Variants in ABTB2 observed in about 807,000 individuals in gnomAD.
The protein encoded by ABTB2 is ankyrin repeat and BTB/POZ domain-containing protein 2.
In ABTB2, 56 loss-of-function variants were observed where a neutral mutation model predicts 104.1. The ratio of observed to expected loss-of-function variants is 0.54; its 90% CI spans 0.43 to 0.67. ABTB2 has a LOEUF of 0.67. Ranked by LOEUF, ABTB2 falls within the 30% of genes least tolerant of loss-of-function variation. The pLI is 0.00. For synonymous variants in ABTB2, 606 were observed against 608.2 expected, an observed-to-expected ratio of 1.00 and a Z score of 0.05; for missense variants, 1,279 against 1,407.7, an observed-to-expected ratio of 0.91 and a Z score of 1.46.
intron 1 of ABTB2, among the ~76,000 whole-genome samples, chr11:34,287,112 T>G (rs1854514403): frequency 6.8e-6 from 1 of 146,970 alleles, no homozygotes; most frequent in Non-Finnish European, 1.5e-5. Flanking sequence ...TTCGGGAGGC[T>G]GAGGTGGGAA....
intron 1 of ABTB2, among the ~76,000 whole-genome samples, chr11:34,332,222 C>T (rs556069689): frequency 1.3e-4 from 20 of 152,130 alleles, no homozygotes; most frequent in Non-Finnish European, 2.2e-4. Context: ...TGTGATGTGG[C>T]TGTAGGCAGA....
intron 1 of ABTB2, among the ~76,000 whole-genome samples, chr11:34,249,044 G>C (rs528873918): frequency 1.3e-5 from 2 of 152,216 alleles, no homozygotes; most frequent in Admixed American, 1.3e-4. Context: ...CAAGAGATTC[G>C]CTTGAACCAG....
rs1855483602 is a variant in ABTB2 at position 34,357,544 on chromosome 11, C to T, written c.40G>A (p.Asp14Asn). The change falls in exon 1 of 17, where the codon GAC (aspartate) becomes AAC (asparagine). Residue 14 changes from aspartate to asparagine, a missense_variant. By Grantham distance (23) the Asp-to-Asn change is conservative (BLOSUM62 1). Transcript: ENST00000435224. ...TYSSTLKTLEDLTLDSGYGAG... is the reference protein window; with the variant it reads ...TYSSTLKTLENLTLDSGYGAG... ...CCATACCCGGAGTCCAAGGTCAAGT[C>T]CTCCAGCGTCTTCAGAGTCGAGCTG... The T allele has an allele frequency of 6.5e-7, 1 of 1,534,562 alleles. No homozygotes were observed.
chr11:34,236,062 C>A (rs575090150), intron 1 of ABTB2, among the ~76,000 whole-genome samples: 1 of 152,212 alleles, frequency 6.6e-6, no homozygotes, highest in Non-Finnish European at 1.5e-5. Flanking sequence ...CGGGTGCAGG[C>A]TGGTGGGTAC....
At chr11:34,232,136 C>G (rs2926467) in intron 1 of ABTB2, among the ~76,000 whole-genome samples, 1 of 152,002 alleles carries the variant, frequency 6.6e-6, no homozygotes, top group Non-Finnish European at 1.5e-5. Context: ...AATACTCTTG[C>G]GACTTTCATG....
intron 1 of ABTB2, among the ~76,000 whole-genome samples, chr11:34,236,217 G>A (rs1259176762): frequency 1.3e-5 from 2 of 152,102 alleles, no homozygotes; most frequent in East Asian, 3.8e-4. Context: ...TTTTTTCCCT[G>A]GAAAGAAGAG....
chr11:34,231,668 T>A (rs1322501417), intron 1 of ABTB2, among the ~76,000 whole-genome samples: 1 of 152,174 alleles, frequency 6.6e-6, no homozygotes, highest in African/African-American at 2.4e-5. Context: ...CCTCCTGGGT[T>A]CAAGCGATTC....
Position 34,264,369 on chromosome 11 carries a change from C to T in ABTB2, c.884-59679G>A, listed in dbSNP as rs983603805. On this transcript the variant is annotated intron_variant, in intron 1 of 16. Transcript: ENST00000435224. The stretch of plus-strand genomic sequence containing the variant: ...GTCTCTGTGCTGTGGACAGGAAGAA[C>T]GGTCAGAGGTCTGGATACAGCCAGT... Among the ~76,000 whole-genome samples, 14 of 152,166 alleles carry T rather than the reference C, an allele frequency of 9.2e-5. 2 individuals are homozygous for T. The highest frequency in any genetic ancestry group is 6.2e-4 in the South Asian group (3 of 4,820).
At chr11:34,228,467 C>T (rs547340520) in intron 1 of ABTB2, among the ~76,000 whole-genome samples, 83 of 152,278 alleles carry the variant, frequency 5.5e-4, no homozygotes, top group Non-Finnish European at 1.0e-3. Flanking sequence ...TCACTGCAAC[C>T]TCTGCCTCCT....
In ABTB2 at chr11:34,357,180, G is replaced by A; in HGVS notation, c.404C>T (p.Ala135Val). 1.3e-6 allele frequency: 2 copies of A among 1,508,308 alleles called. No individual in the cohort carries two copies. Among genetic ancestry groups the A allele is most frequent in the South Asian group, 2.5e-5 (2 of 80,278 alleles). The allele number at this position is 1,508,308 out of a possible 1,614,324, so 93.4% of individuals were successfully genotyped here. Residue 135 changes from alanine to valine, a missense_variant, in exon 1 of 17, where the codon GCA becomes GTA. Transcript: ENST00000435224. ...VRRLAGLLRR[A>V]LIRVAREAQR... ...CGCCTCGCGGGCCACGCGGATCAGT[G>A]CCCTGCGGAGCAGCCCGGCCAGGCG...
chr11:34,213,899 T>C (rs1255226552), intron 1 of ABTB2, among the ~76,000 whole-genome samples: 1 of 152,210 alleles, frequency 6.6e-6, no homozygotes, highest in Non-Finnish European at 1.5e-5. Context: ...CTGTGTTATT[T>C]AGAATACTTT....
intron 3 of ABTB2, among the ~76,000 whole-genome samples, chr11:34,196,101 T>A (rs1204238639): frequency 6.6e-6 from 1 of 152,200 alleles, no homozygotes; most frequent in Non-Finnish European, 1.5e-5. Flanking sequence ...CCCACAACTC[T>A]TGAGCCCATG....
At chr11:34,180,148 C>T (rs980429783) in intron 3 of ABTB2, among the ~76,000 whole-genome samples, 1 of 152,228 alleles carries the variant, frequency 6.6e-6, no homozygotes, top group African/African-American at 2.4e-5. Flanking sequence ...CTTCCCCCCA[C>T]AGCAAGTATA....
At chr11:34,212,052 G>A (rs911965599) in intron 1 of ABTB2, among the ~76,000 whole-genome samples, 1 of 151,918 alleles carries the variant, frequency 6.6e-6, no homozygotes, top group Admixed American at 6.6e-5. Context: ...GGAAGTTTGA[G>A]AAGCAGGTTT....
Position 34,357,432 on chromosome 11 carries a change from C to T in ABTB2, c.152G>A (p.Gly51Glu), listed in dbSNP as rs1180640864. ...GCCGGAGTAGCACCACCAGGCCGCC[C>T]CGCGGTGCTGCTGCGCCGAAGAGTT... The part of the protein sequence containing the change: ...ALNSSAQQHR[G>E]AAWWCYSGSM... The change falls in exon 1 of 17, where the codon GGG (glycine) becomes GAG (glutamate). Residue 51 changes from glycine to glutamate, a missense_variant. By Grantham distance (98) the Gly-to-Glu change is moderately conservative. Transcript: ENST00000435224. 16 of 1,548,854 alleles carry T rather than the reference C, an allele frequency of 1.0e-5. No homozygotes were observed. The highest frequency in any genetic ancestry group is 1.2e-5 in the Non-Finnish European group (14 of 1,146,760).
chr11:34,356,582 G>A lies in ABTB2; in HGVS notation c.883+119C>T. On this transcript the variant is annotated intron_variant, in intron 1 of 16. Transcript: ENST00000435224. The surrounding 1 kb of genome is among the most constrained non-coding windows in gnomAD (Gnocchi z 4.6). ...AATGAACCCTATCCTCAGACCAAAC[G>A]TTTTCTCCCAAAGAACTGGCACAGC... 2 of 1,347,248 alleles carry A rather than the reference G, an allele frequency of 1.5e-6. No individual in the cohort carries two copies. Among genetic ancestry groups the A allele is most frequent in the South Asian group, 3.1e-5 (2 of 65,166 alleles). The allele number at this position is 1,347,248 out of a possible 1,614,324, so 83.5% of individuals were successfully genotyped here. A position where few individuals can be genotyped will look rare whatever the true frequency, so the allele number is the denominator to read the frequency against.
At chr11:34,214,616 T>C (rs1286730553) in intron 1 of ABTB2, among the ~76,000 whole-genome samples, 1 of 148,990 alleles carries the variant, frequency 6.7e-6, no homozygotes, top group Non-Finnish European at 1.5e-5. Flanking sequence ...CTCAGCTCAC[T>C]GCAACCTTCA....
At chr11:34,239,268 G>A (rs1853884217) in intron 1 of ABTB2, among the ~76,000 whole-genome samples, 1 of 152,194 alleles carries the variant, frequency 6.6e-6, no homozygotes, top group Non-Finnish European at 1.5e-5. Flanking sequence ...CCACCTCTGA[G>A]CTTGTCAGGG....
At chr11:34,275,584 A>G (rs72914523) in intron 1 of ABTB2, among the ~76,000 whole-genome samples, 1,888 of 152,152 alleles carry the variant, frequency 0.012, 16 homozygotes, top group African/African-American at 0.017. Context: ...ACCAACTGCA[A>G]CCACGGTTTT....
Sources: allele counts gnomAD v4.1 joint callset (sites outside exome capture counted in the v4.1 genomes callset), GRCh38; gene constraint gnomAD v4.1.1; non-coding constraint Gnocchi (gnomAD v3.1); transcripts MANE v1.5; gene names NCBI Gene and HGNC (gene_info 2026-07-23, HGNC 2026-07-21).